UBIAD1: variants seen among roughly 807,000 people sequenced by gnomAD.
UBIAD1 encodes the protein UbiA prenyltransferase domain containing 1.
A neutral mutation model predicts 20.1 loss-of-function variants in UBIAD1; 12 were observed. The ratio of observed to expected loss-of-function variants is 0.60; its 90% CI spans 0.38 to 0.97. The LOEUF (loss-of-function observed/expected upper bound fraction) is 0.97, where lower values mean the gene tolerates loss of function less well. UBIAD1 is among the 50% of genes least tolerant of loss of function. UBIAD1 has a pLI of 0.00. For missense variants in UBIAD1, 333 were observed against 419.5 expected (o/e 0.79, Z 1.80); for synonymous variants, 207 against 189.2 (o/e 1.09, Z -0.77).
At chr1:11,298,562 G>C (rs937262016), downstream of UBIAD1, among the ~76,000 whole-genome samples, 2 of 139,074 alleles carry the variant, frequency 1.4e-5, no homozygotes, top group Non-Finnish European at 3.0e-5. This position sits in a 1 kb window ranked among gnomAD's most constrained non-coding sequence, Gnocchi z 4.0. Flanking sequence ...ATGAGACCCT[G>C]TCTCCAAAAA....
rs1399732580 is a variant in UBIAD1, at chr1:11,286,427, A to T, written c.*296A>T. 2.3e-6 allele frequency: 1 copy of T among 432,188 alleles called. No individual in the cohort carries two copies. Among genetic ancestry groups the T allele is most frequent in the Non-Finnish European group, 4.3e-6 (1 of 234,632 alleles). 26.8% of individuals were successfully genotyped at this position (432,188 alleles called of 1,614,324 possible). On this transcript the variant is annotated 3_prime_UTR_variant, in exon 2 of 2. Transcript: ENST00000376810. ...GGTGTTCTCAGGTCACTTTGCAGTGAAGTGGACTTAGTTCCTCCTTGTTCT... is the reference window on the plus strand; with the variant it reads ...GGTGTTCTCAGGTCACTTTGCAGTGTAGTGGACTTAGTTCCTCCTTGTTCT...
In UBIAD1 at chr1:11,286,467, C is replaced by T. The variant is rs1638263576; in HGVS notation, c.*336C>T. 1 of 361,972 alleles carries T rather than the reference C, an allele frequency of 2.8e-6. No homozygotes were observed. The highest frequency in any genetic ancestry group is 2.1e-5 in the African/African-American group (1 of 47,346). 22.4% of individuals were successfully genotyped at this position (361,972 alleles called of 1,614,324 possible). ...CTCCTTGTTCTGTACAAAATGTCTC[C>T]AGACTTTGTAAAGGAGCTGCCCAGT... On this transcript the variant is annotated 3_prime_UTR_variant, in exon 2 of 2. Transcript: ENST00000376810.
At chr1:11,299,327 A>G (rs967744586), downstream of UBIAD1, among the ~76,000 whole-genome samples, 2 of 152,194 alleles carry the variant, frequency 1.3e-5, no homozygotes, top group Non-Finnish European at 2.9e-5. Context: ...TATGGCCCTG[A>G]GAGGTGCATG....
In UBIAD1 at chr1:11,286,487, C is replaced by T. The variant is rs978668171; in HGVS notation, c.*356C>T. 2.3e-5 allele frequency: 8 copies of T among 343,116 alleles called. No individual in the cohort carries two copies. Among genetic ancestry groups the T allele is most frequent in the African/African-American group, 1.3e-4 (6 of 46,710 alleles). 21.3% of individuals were successfully genotyped at this position (343,116 alleles called of 1,614,324 possible). A position where few individuals can be genotyped will look rare whatever the true frequency, so the allele number is the denominator to read the frequency against. ...GTCTCCAGACTTTGTAAAGGAGCTG[C>T]CCAGTTTGGCCTCCTGTCCCGAAAA... On this transcript the variant is annotated 3_prime_UTR_variant, in exon 2 of 2. Transcript: ENST00000376810.
intron 1 of UBIAD1, among the ~76,000 whole-genome samples, chr1:11,284,370 A>G (rs559471951): frequency 6.6e-6 from 1 of 152,230 alleles, no homozygotes; most frequent in South Asian, 2.1e-4. Flanking sequence ...CAGGTGAGCC[A>G]GGTTAAAGAT....
chr1:11,284,333 T>G (rs547704153), intron 1 of UBIAD1, among the ~76,000 whole-genome samples: 1 of 151,954 alleles, frequency 6.6e-6, no homozygotes, highest in South Asian at 2.1e-4. Flanking sequence ...GAGCTCAAGG[T>G]GAGGCAGGAG....
At chr1:11,295,080 T>A in exon 2 of UBIAD1, 2 of 630,782 alleles carry the variant, frequency 3.2e-6, no homozygotes, top group East Asian at 5.5e-5. Flanking sequence ...CACAGGATAC[T>A]CAACTCTTCG....
At chr1:11,274,733 C>G (rs1651942355) in intron 1 of UBIAD1, among the ~76,000 whole-genome samples, 1 of 152,060 alleles carries the variant, frequency 6.6e-6, no homozygotes. Context: ...CCTCAGCTCC[C>G]CGAGTAGCTG....
chr1:11,281,115 A>G (rs1652227738), intron 1 of UBIAD1, among the ~76,000 whole-genome samples: 1 of 151,824 alleles, frequency 6.6e-6, no homozygotes, highest in African/African-American at 2.4e-5. Flanking sequence ...TCCTTTGTAG[A>G]TGCAGCTTCC....
In UBIAD1 at chr1:11,288,412, AAAGAG is replaced by A. The variant is rs1288514513; in HGVS notation, c.*2286_*2290del. 4.6e-5 allele frequency: 7 copies of A among 152,192 alleles called. No homozygotes were observed. The highest frequency in any genetic ancestry group is 1.7e-4 in the African/African-American group (7 of 41,458). 9.4% of individuals were successfully genotyped at this position (152,192 alleles called of 1,614,324 possible). On this transcript the variant is annotated 3_prime_UTR_variant, in exon 2 of 2. Transcript: ENST00000376810. ...GGTTTTCTTTAGACTTCTTAATTAA[AAAGAG>A]AAGAAAGAAAATGTTCACCAATGGT...
chr1:11,282,558 C>CT (rs34509238), intron 1 of UBIAD1, among the ~76,000 whole-genome samples: 7,048 of 128,020 alleles, frequency 0.055, 583 homozygotes, highest in African/African-American at 0.17. Flanking sequence ...GCTTACATCA[C>CT]TTTTTTTTTT....
downstream of UBIAD1, among the ~76,000 whole-genome samples, chr1:11,299,008 A>C (rs890743370): frequency 6.6e-6 from 1 of 152,306 alleles, no homozygotes; most frequent in East Asian, 1.9e-4. Flanking sequence ...AAGATAACCA[A>C]GTCAGTCAAG....
rs773445273 is a variant in UBIAD1 at position 11,273,793 on chromosome 1, G to A, written c.262G>A (p.Ala88Thr). ...GGATCCCAGGCTCTTGGTGGGTTGT[G>A]CCGTGGCTGTCCTGGCTGTGCACGG... The part of the protein sequence containing the change: ...VLDPRLLVGC[A>T]VAVLAVHGAG... The change falls in exon 1 of 2, where the codon GCC becomes ACC. Residue 88 changes from alanine (A) to threonine (T), a missense_variant. By Grantham distance (58) the Ala-to-Thr change is moderately conservative. Around this residue, in one of 3 missense-constraint regions of UBIAD1, gnomAD observed 50 missense variants for 101.2 expected, o/e 0.49. Coordinates refer to ENST00000376810, the MANE Select transcript of UBIAD1 (RefSeq NM_013319.3). This position sits in a 1 kb window ranked among gnomAD's most constrained non-coding sequence, Gnocchi z 4.9. 6.8e-6 allele frequency: 11 copies of A among 1,614,012 alleles called. No homozygotes were observed. In the Admixed American group the frequency reaches 8.3e-5, roughly 12 times the overall value.
At chr1:11,279,782 G>A (rs1001702869) in intron 1 of UBIAD1, among the ~76,000 whole-genome samples, 2 of 152,234 alleles carry the variant, frequency 1.3e-5, no homozygotes, top group East Asian at 3.8e-4. Context: ...TTCAAGTTCA[G>A]AGAAGCCTGG....
chr1:11,289,973 A>G (rs1373236207), downstream of UBIAD1, among the ~76,000 whole-genome samples: 1 of 150,418 alleles, frequency 6.6e-6, no homozygotes, highest in Non-Finnish European at 1.5e-5. Flanking sequence ...CTTGAGATTC[A>G]CCCGCCTTGG....
Position 11,285,596 on chromosome 1 carries a change from A to G in UBIAD1, c.530-48A>G. 1 of 1,613,462 alleles carries G rather than the reference A, an allele frequency of 6.2e-7. No individual in the cohort carries two copies. Among genetic ancestry groups the G allele is most frequent in the African/African-American group, 1.3e-5 (1 of 75,024 alleles). On this transcript the variant is annotated intron_variant, in intron 1 of 1. Coordinates refer to ENST00000376810, the MANE Select transcript of UBIAD1 (RefSeq NM_013319.3). The surrounding 1 kb of genome is among the most constrained non-coding windows in gnomAD (Gnocchi z 4.4). ...CTCTTCACTGGTGAACAGTCCCTAA[A>G]TTTCCAGCCTTGGTCTCACACCAAC...
downstream of UBIAD1, among the ~76,000 whole-genome samples, chr1:11,296,948 A>T (rs1365127118): frequency 6.6e-6 from 1 of 152,200 alleles, no homozygotes; most frequent in Non-Finnish European, 1.5e-5. Flanking sequence ...AGTGCCTGGT[A>T]CATTCATTCA....
intron 1 of UBIAD1, among the ~76,000 whole-genome samples, chr1:11,283,638 C>T (rs920327189): frequency 1.2e-4 from 18 of 152,150 alleles, no homozygotes; most frequent in African/African-American, 4.3e-4. Context: ...ATACTTTGTT[C>T]TGAAGAACTA....
In UBIAD1 at chr1:11,273,549, C is replaced by T. The variant is rs187322770; in HGVS notation, c.18C>T (p.Val6=). The T allele has an allele frequency of 1.2e-6, 2 of 1,612,684 alleles. No homozygotes were observed. Among genetic ancestry groups the T allele is most frequent in the East Asian group, 2.2e-5 (1 of 44,870 alleles). Residue 6 remains valine, a synonymous_variant, in exon 1 of 2, where the codon GTC becomes GTT. Transcript: ENST00000376810. The surrounding 1 kb of genome is among the most constrained non-coding windows in gnomAD (Gnocchi z 4.9). MAASQ[V]LGEKINILSG... ...GAGCTTCCATGGCGGCCTCTCAGGT[C>T]CTGGGGGAGAAGATTAACATCCTGT...
Sources: gnomAD v4.1 joint callset for allele counts (sites outside exome capture counted in the v4.1 genomes callset) on GRCh38, gnomAD v4.1.1 for gene constraint, gnomAD v4.1.1 regional missense constraint, Gnocchi (gnomAD v3.1) non-coding constraint, MANE v1.5 for transcripts, NCBI Gene and HGNC (gene_info 2026-07-23, HGNC 2026-07-21) for gene names.